IL1RAPL2: variants seen among roughly 807,000 people sequenced by gnomAD.
IL1RAPL2 encodes X-linked interleukin-1 receptor accessory protein-like 2.
IL1RAPL2 carries 3 observed loss-of-function variants against 44.1 expected under a neutral mutation model. The ratio of observed to expected loss-of-function variants is 0.07; its 90% CI spans 0.03 to 0.18. The LOEUF is 0.18. IL1RAPL2 is among the 10% of genes least tolerant of loss of function. The pLI is 1.00. For synonymous variants in IL1RAPL2, 181 were observed against 178.8 expected (o/e 1.01, Z -0.10); for missense variants, 391 against 496.4 (o/e 0.79, Z 2.02).
chrX:104,582,274 CTG>C (rs1274773885), intron 1 of IL1RAPL2, among the ~76,000 whole-genome samples: 3 of 111,481 alleles, frequency 2.7e-5, no homozygotes, highest in Non-Finnish European at 5.7e-5. Context: ...GGTTTACATA[CTG>C]TGAGTAAAAA....
At chrX:104,882,908 C>T (rs112128947) in intron 2 of IL1RAPL2, among the ~76,000 whole-genome samples, 4,736 of 111,128 alleles carry the variant, frequency 0.043, 272 homozygotes, top group African/African-American at 0.15. Flanking sequence ...CAACTCCGGA[C>T]GCCCCACCTT....
chrX:105,239,845 A>C (rs1274694221), intron 4 of IL1RAPL2, among the ~76,000 whole-genome samples: 3 of 111,695 alleles, frequency 2.7e-5, no homozygotes, highest in Non-Finnish European at 5.6e-5. Context: ...TGAACCGTAA[A>C]AATCTTTTAT....
intron 2 of IL1RAPL2, among the ~76,000 whole-genome samples, chrX:105,042,745 T>A (rs2031767632): frequency 9.3e-6 from 1 of 107,074 alleles, no homozygotes; most frequent in South Asian, 4.4e-4. Context: ...CCCAAAGGAC[T>A]ATAAATCATG....
chrX:105,204,039 C>T lies in IL1RAPL2; in HGVS notation c.356+8291C>T, dbSNP rs1411776122. Reference sequence around the variant, plus strand: ...TTCTCATACTCTAAACTAATAGGTTCTGACTCCAACATTAACCTAGAGAGC... The same window carrying T: ...TTCTCATACTCTAAACTAATAGGTTTTGACTCCAACATTAACCTAGAGAGC... On this transcript the variant is annotated intron_variant, in intron 3 of 10. Coordinates refer to ENST00000372582, the MANE Select transcript of IL1RAPL2 (RefSeq NM_017416.2). 2.7e-5 allele frequency among the ~76,000 whole-genome samples: 3 copies of T among 111,874 alleles called. No homozygotes were observed. The East Asian group carries it at 8.4e-4, about 31-fold the overall frequency.
At chrX:104,726,860 T>C (rs1602699575) in intron 2 of IL1RAPL2, among the ~76,000 whole-genome samples, 1 of 110,924 alleles carries the variant, frequency 9.0e-6, no homozygotes, top group Admixed American at 9.7e-5. Context: ...CTACCCTTGT[T>C]GTTTTTGCTC....
At chrX:104,755,199 C>T (rs2147585897) in intron 2 of IL1RAPL2, among the ~76,000 whole-genome samples, 1 of 110,814 alleles carries the variant, frequency 9.0e-6, no homozygotes, top group East Asian at 2.9e-4. Flanking sequence ...GAGAGTATCA[C>T]AATAATCTCT....
intron 2 of IL1RAPL2, among the ~76,000 whole-genome samples, chrX:105,118,092 T>C (rs2032880902): frequency 8.9e-6 from 1 of 112,641 alleles, no homozygotes; most frequent in Non-Finnish European, 1.9e-5. Context: ...CAACAAATAT[T>C]CAAAGGGAAA....
chrX:105,333,555 A>G (rs2035004165), intron 5 of IL1RAPL2, among the ~76,000 whole-genome samples: 1 of 111,858 alleles, frequency 8.9e-6, no homozygotes, highest in South Asian at 3.7e-4. Flanking sequence ...GGCAAAGGAA[A>G]CAACCAACAA....
At chrX:105,687,079 T>C (rs2037985172) in intron 6 of IL1RAPL2, among the ~76,000 whole-genome samples, 1 of 111,769 alleles carries the variant, frequency 8.9e-6, no homozygotes, top group Non-Finnish European at 1.9e-5. Context: ...AAGCAGTATG[T>C]AGAGGGAAAT....
At position 104,620,441 on chromosome X, in the gene IL1RAPL2, C is replaced by T. The variant is rs534750579; in HGVS notation, c.-19-38454C>T. Among the ~76,000 whole-genome samples, 8 of 107,238 alleles carry T rather than the reference C, an allele frequency of 7.5e-5. No individual in the cohort carries two copies. In the South Asian group the frequency reaches 2.6e-3, roughly 35 times the overall value. The allele number at this position is 107,238 out of a possible 115,157, so 93.1% of individuals were successfully genotyped here. A position where few individuals can be genotyped will look rare whatever the true frequency, so the allele number is the denominator to read the frequency against. ...GATCACAGGGTCAGGAGATCGAGACCATCCTGGCTGACATGGTGAAAACCC... is the reference window on the plus strand; with the variant it reads ...GATCACAGGGTCAGGAGATCGAGACTATCCTGGCTGACATGGTGAAAACCC... On this transcript the variant is annotated intron_variant, in intron 1 of 10. Coordinates refer to ENST00000372582, the MANE Select transcript of IL1RAPL2 (RefSeq NM_017416.2).
intron 2 of IL1RAPL2, among the ~76,000 whole-genome samples, chrX:104,900,045 C>T (rs1379332415): frequency 9.0e-6 from 1 of 111,589 alleles, no homozygotes; most frequent in Non-Finnish European, 1.9e-5. Context: ...TAATTATTAG[C>T]GAACTTCATT....
intron 2 of IL1RAPL2, among the ~76,000 whole-genome samples, chrX:104,723,456 G>T (rs1242316437): frequency 9.1e-6 from 1 of 110,296 alleles, no homozygotes; most frequent in Non-Finnish European, 1.9e-5. Context: ...ACTGCCAGGG[G>T]TGGGGTGCAG....
At chrX:104,775,286 T>C (rs750262200) in intron 2 of IL1RAPL2, among the ~76,000 whole-genome samples, 1 of 112,235 alleles carries the variant, frequency 8.9e-6, no homozygotes, top group Non-Finnish European at 1.9e-5. Context: ...AAAAAGAGCT[T>C]ATAGCTGTAG....
At chrX:104,672,782 C>T (rs768679748) in intron 2 of IL1RAPL2, among the ~76,000 whole-genome samples, 5,077 of 106,730 alleles carry the variant, frequency 0.048, 382 homozygotes, top group African/African-American at 0.17. Flanking sequence ...TTTTAATGAT[C>T]GCCATTCTAA....
chrX:104,831,020 A>T (rs1048068175), intron 2 of IL1RAPL2, among the ~76,000 whole-genome samples: 3 of 111,702 alleles, frequency 2.7e-5, no homozygotes, highest in African/African-American at 9.7e-5. Context: ...CTGTTTTTGT[A>T]TCTCTAGGGC....
At chrX:105,322,215 G>A (rs2034902278) in intron 5 of IL1RAPL2, among the ~76,000 whole-genome samples, 1 of 112,627 alleles carries the variant, frequency 8.9e-6, no homozygotes, top group South Asian at 3.6e-4. Flanking sequence ...AGCCACATCT[G>A]CTATACAATA....
chrX:104,997,019 G>A (rs948174090), intron 2 of IL1RAPL2, among the ~76,000 whole-genome samples: 1 of 111,456 alleles, frequency 9.0e-6, no homozygotes, highest in African/African-American at 3.3e-5. Flanking sequence ...TAGTGGACAA[G>A]GGAAGAGCGT....
At chrX:105,151,523 G>GT (rs1336270684) in intron 2 of IL1RAPL2, among the ~76,000 whole-genome samples, 1 of 108,283 alleles carries the variant, frequency 9.2e-6, no homozygotes. Flanking sequence ...GTTTTTTTTT[G>GT]TTTTTTCGTT....
chrX:104,791,809 G>C (rs1055909076), intron 2 of IL1RAPL2, among the ~76,000 whole-genome samples: 6 of 111,354 alleles, frequency 5.4e-5, no homozygotes, highest in African/African-American at 2.0e-4. Context: ...CCCTCTAAAA[G>C]AGACCATAGA....
Sources: allele counts gnomAD v4.1 joint callset (sites outside exome capture counted in the v4.1 genomes callset), GRCh38; gene constraint gnomAD v4.1.1; transcripts MANE v1.5; gene names NCBI Gene and HGNC (gene_info 2026-07-23, HGNC 2026-07-21).